The following KANK4 variants were observed in gnomAD, a reference collection of about 807,000 sequenced individuals.
The protein encoded by KANK4 is KN motif and ankyrin repeat domain-containing protein 4.
KANK4 carries 50 observed loss-of-function variants against 80.8 expected under a neutral mutation model. That is an observed-to-expected ratio of 0.62 (90% confidence interval 0.49 to 0.78). The LOEUF (loss-of-function observed/expected upper bound fraction) is 0.78, where lower values mean the gene tolerates loss of function less well. Ranked by LOEUF, KANK4 falls within the 30% of genes least tolerant of loss-of-function variation. The probability of loss-of-function intolerance (pLI) is 0.00; values close to 1 mark genes in which losing one functional copy is unlikely to be tolerated. For missense variants in KANK4, 1,196 were observed against 1,240.1 expected, an observed-to-expected ratio of 0.96 and a Z score of 0.53; for synonymous variants, 465 against 506.9, an observed-to-expected ratio of 0.92 and a Z score of 1.11.
At chr1:62,288,314 C>T (rs1054596879) in intron 1 of KANK4, among the ~76,000 whole-genome samples, 2 of 152,200 alleles carry the variant, frequency 1.3e-5, no homozygotes, top group Non-Finnish European at 2.9e-5. Context: ...GGTGAACTGT[C>T]CAAGTCCAGC....
At chr1:62,271,735 T>C in intron 3 of KANK4, 146 bp from the exon 4 acceptor site, 1 of 609,686 alleles carries the variant, frequency 1.6e-6, no homozygotes, top group Admixed American at 2.7e-5. Flanking sequence ...TAAATCAATG[T>C]TTTGGGGACC....
intron 1 of KANK4, among the ~76,000 whole-genome samples, chr1:62,292,298 G>A (rs762070120): frequency 1.3e-5 from 2 of 152,098 alleles, no homozygotes; most frequent in Non-Finnish European, 2.9e-5. Context: ...GGCCCATTCT[G>A]TGTTTTCTTC....
chr1:62,288,632 G>T (rs1672618992), intron 1 of KANK4, among the ~76,000 whole-genome samples: 1 of 152,196 alleles, frequency 6.6e-6, no homozygotes, highest in Admixed American at 6.5e-5. Context: ...CTATTCTAAA[G>T]ATTGACTCTA....
In KANK4 at chr1:62,274,791, C is replaced by T. The variant is rs1419443787; in HGVS notation, c.313G>A (p.Glu105Lys). 1 of 1,613,994 alleles carries T rather than the reference C, an allele frequency of 6.2e-7. No individual in the cohort carries two copies. The highest frequency in any genetic ancestry group is 2.2e-5 in the East Asian group (1 of 44,866). The change falls in exon 3 of 10, where the codon GAG becomes AAG. Residue 105 changes from glutamate (E) to lysine (K), a missense_variant. Glu to Lys is a moderately conservative substitution (Grantham distance 56). Around this residue, in one of 3 missense-constraint regions of KANK4, gnomAD observed 1,154 missense variants for 1,179.6 expected, o/e 0.98. Transcript: ENST00000371153. Reference sequence around the variant, plus strand: ...CCAAGCGGTGGTGACTGGTTTTGCTCCTGTGTCCCAAGTGATGCCTCCCTT... The same window carrying T: ...CCAAGCGGTGGTGACTGGTTTTGCTTCTGTGTCCCAAGTGATGCCTCCCTT... ...VPREASLGTQ[E>K]QNQSPPLGNA...
intron 8 of KANK4, among the ~76,000 whole-genome samples, chr1:62,248,925 G>A (rs990881361): frequency 2.0e-5 from 3 of 149,646 alleles, no homozygotes; most frequent in Admixed American, 6.6e-5. Context: ...CACTTTGGGA[G>A]GCCAAGGCGG....
At chr1:62,305,263 A>G (rs1466205326) in intron 1 of KANK4, among the ~76,000 whole-genome samples, 1 of 152,166 alleles carries the variant, frequency 6.6e-6, no homozygotes, top group Non-Finnish European at 1.5e-5. Flanking sequence ...TCCAGGGAAA[A>G]TGTCCTAAAC....
chr1:62,236,755 C>T lies in KANK4; in HGVS notation c.*1522G>A, dbSNP rs1413889069. On this transcript the variant is annotated 3_prime_UTR_variant, in exon 10 of 10. Coordinates refer to ENST00000371153, the MANE Select transcript of KANK4 (RefSeq NM_181712.5). ...AATTACAGGCGCCTGCCACCACGCCCCAGCTAATTTTTGTATTTTTGGTAG... is the reference window on the plus strand; with the variant it reads ...AATTACAGGCGCCTGCCACCACGCCTCAGCTAATTTTTGTATTTTTGGTAG... Among the ~76,000 whole-genome samples, 1 of 151,970 alleles carries T rather than the reference C, an allele frequency of 6.6e-6. No individual in the cohort carries two copies. The highest frequency in any genetic ancestry group is 2.4e-5 in the African/African-American group (1 of 41,364).
intron 7 of KANK4, among the ~76,000 whole-genome samples, chr1:62,260,428 C>G (rs899482262): frequency 1.3e-5 from 2 of 152,042 alleles, no homozygotes; most frequent in Non-Finnish European, 2.9e-5. Flanking sequence ...CTGTCTCTGT[C>G]CCCCACCTTA....
intron 2 of KANK4, among the ~76,000 whole-genome samples, chr1:62,278,317 C>A: frequency 5.8e-5 from 1 of 17,290 alleles, no homozygotes; most frequent in African/African-American, 6.8e-4. Context: ...GGCACATTTT[C>A]TTTCTTCCTT....
At chr1:62,303,624 T>G (rs1449586699) in intron 1 of KANK4, among the ~76,000 whole-genome samples, 1 of 152,058 alleles carries the variant, frequency 6.6e-6, no homozygotes, top group East Asian at 1.9e-4. Flanking sequence ...AACTAACTAC[T>G]GAGCACTTGA....
intron 1 of KANK4, among the ~76,000 whole-genome samples, chr1:62,311,236 G>A (rs1644495102): frequency 6.6e-6 from 1 of 151,976 alleles, no homozygotes; most frequent in South Asian, 2.1e-4. Flanking sequence ...TCCACCACTT[G>A]ATATCTCGGG....
Position 62,286,052 on chromosome 1 carries a change from C to T in KANK4, c.-70-4418G>A, listed in dbSNP as rs140917735. ...CTGGCAAACAGAGATGAGTCCTGCT[C>T]AATAAATGACACATTAACACAATCT... is the stretch of plus-strand genomic sequence containing the variant. On this transcript the variant is annotated intron_variant, in intron 1 of 9. Transcript: ENST00000371153. Among the ~76,000 whole-genome samples, 301 of 152,088 alleles carry T rather than the reference C, an allele frequency of 2.0e-3. 2 individuals are homozygous for T. The highest frequency in any genetic ancestry group is 3.4e-3 in the Middle Eastern group (1 of 294).
chr1:62,268,350 C>T lies in KANK4; in HGVS notation c.2168G>A (p.Gly723Asp). 6.2e-7 allele frequency: 1 copy of T among 1,614,020 alleles called. No individual in the cohort carries two copies. The change falls in exon 5 of 10, where the codon GGC becomes GAC. Residue 723 changes from glycine to aspartate, a missense_variant. By Grantham distance (94) the Gly-to-Asp change is moderately conservative (BLOSUM62 -1). Transcript: ENST00000371153. ...ACTTTCCTGGGCAGCATGGCAGGTG[C>T]CCTCAGGGATGCCCTGCCCAGCCTC... ...TCEAGQGIPEGTCHAAQESGP... is the reference protein window; with the variant it reads ...TCEAGQGIPEDTCHAAQESGP...
At chr1:62,266,678 C>G in intron 6 of KANK4, 54 bp downstream of exon 6, 2 of 1,242,972 alleles carry the variant, frequency 1.6e-6, no homozygotes, top group South Asian at 2.5e-5. Flanking sequence ...CCTGGCAGAG[C>G]TAACGTCTTA....
chr1:62,287,103 C>A (rs993320360), intron 1 of KANK4, among the ~76,000 whole-genome samples: 11 of 152,092 alleles, frequency 7.2e-5, no homozygotes, highest in Admixed American at 7.2e-4. Context: ...TTCAGAGTGT[C>A]CCGGGCAAGC....
intron 1 of KANK4, among the ~76,000 whole-genome samples, chr1:62,313,551 A>AT (rs1484453659): frequency 2.6e-5 from 4 of 152,094 alleles, no homozygotes; most frequent in Non-Finnish European, 4.4e-5. Flanking sequence ...TTTTGTTATT[A>AT]TTTTTTATTT....
chr1:62,254,501 G>A (rs1462529092), intron 7 of KANK4, among the ~76,000 whole-genome samples: 1 of 150,698 alleles, frequency 6.6e-6, no homozygotes, highest in African/African-American at 2.4e-5. Flanking sequence ...CTCGGCCTCC[G>A]AAAGTGCTGG....
rs554264745 is a variant in KANK4 at position 62,256,684 on chromosome 1, C to T, written c.2540-3475G>A. Among the ~76,000 whole-genome samples, 117 of 152,184 alleles carry T rather than the reference C, an allele frequency of 7.7e-4. 1 individual carries two copies. The South Asian group carries it at 0.023, about 30-fold the overall frequency. ...AGGCATGAGCCGTCGCGCCTGGCTACCCCATAATTTTTCAAACAATTTTTC... is the reference window on the plus strand; with the variant it reads ...AGGCATGAGCCGTCGCGCCTGGCTATCCCATAATTTTTCAAACAATTTTTC... On this transcript the variant is annotated intron_variant, in intron 7 of 9. Transcript: ENST00000371153.
chr1:62,312,789 C>G (rs17380555), intron 1 of KANK4, among the ~76,000 whole-genome samples: 1 of 152,102 alleles, frequency 6.6e-6, no homozygotes, highest in Non-Finnish European at 1.5e-5. Flanking sequence ...AAGAGAGCTT[C>G]GTGCAATCGT....
Sources: gnomAD v4.1 joint callset for allele counts (sites outside exome capture counted in the v4.1 genomes callset) on GRCh38, gnomAD v4.1.1 for gene constraint, gnomAD v4.1.1 regional missense constraint, MANE v1.5 for transcripts, NCBI Gene and HGNC (gene_info 2026-07-23, HGNC 2026-07-21) for gene names.